ATP8A2: variants seen among roughly 807,000 people sequenced by gnomAD.
The protein encoded by ATP8A2 is ATPase phospholipid transporting 8A2.
ATP8A2 carries 100 observed loss-of-function variants against 165.6 expected under a neutral mutation model. The ratio of observed to expected loss-of-function variants is 0.60; its 90% CI spans 0.51 to 0.71. The LOEUF (loss-of-function observed/expected upper bound fraction) is 0.71. Among genes scored for constraint, ATP8A2 ranks in the 30% least tolerant of loss-of-function variants. The pLI is 0.00. For synonymous variants in ATP8A2, 543 were observed against 548.8 expected (o/e 0.99, Z 0.15); for missense variants, 1,227 against 1,479.5 (o/e 0.83, Z 2.80).
intron 1 of ATP8A2, among the ~76,000 whole-genome samples, chr13:25,460,380 G>A (rs935903268): frequency 6.6e-6 from 1 of 152,148 alleles, no homozygotes; most frequent in Non-Finnish European, 1.5e-5. Context: ...GGGGTCCTAC[G>A]AGCAATGGAG....
intron 24 of ATP8A2, among the ~76,000 whole-genome samples, chr13:25,665,016 C>T (rs917545883): frequency 2.6e-5 from 4 of 150,988 alleles, no homozygotes; most frequent in Admixed American, 6.6e-5. Flanking sequence ...AAAAAGCCGT[C>T]GAGACCAGGA....
chr13:25,395,687 C>T (rs925394998), intron 1 of ATP8A2, among the ~76,000 whole-genome samples: 1 of 152,088 alleles, frequency 6.6e-6, no homozygotes, highest in East Asian at 1.9e-4. Context: ...AGGCATGTGC[C>T]ACCATGCTTG....
intron 2 of ATP8A2, among the ~76,000 whole-genome samples, chr13:25,498,106 G>A (rs553607400): frequency 2.5e-4 from 38 of 152,210 alleles, no homozygotes; most frequent in African/African-American, 8.9e-4. Flanking sequence ...GAAAATTTTG[G>A]GCACCCAATA....
chr13:25,491,579 A>G (rs2036530051), intron 2 of ATP8A2, among the ~76,000 whole-genome samples: 1 of 152,220 alleles, frequency 6.6e-6, no homozygotes, highest in African/African-American at 2.4e-5. Context: ...GTTTATAAAC[A>G]CTAAGAAAGT....
chr13:25,477,804 G>A (rs181472504), intron 2 of ATP8A2, among the ~76,000 whole-genome samples: 34 of 152,254 alleles, frequency 2.2e-4, no homozygotes, highest in African/African-American at 8.2e-4. Context: ...AGGCACGGTG[G>A]CGGGTGCCTA....
chr13:25,891,817 G>A (rs531097484), intron 33 of ATP8A2, among the ~76,000 whole-genome samples: 1 of 152,158 alleles, frequency 6.6e-6, no homozygotes, highest in South Asian at 2.1e-4. Flanking sequence ...ACAAAAAGCA[G>A]GCCAAACAAG....
intron 19 of ATP8A2, 28 bp from the exon 20 acceptor site, chr13:25,577,041 G>T: frequency 6.3e-7 from 1 of 1,593,330 alleles, no homozygotes; most frequent in Non-Finnish European, 8.6e-7. Context: ...ACAGACCAAT[G>T]ATGACTTTTT....
chr13:25,740,308 CA>C (rs1229327243), intron 25 of ATP8A2, among the ~76,000 whole-genome samples: 12,071 of 67,530 alleles, frequency 0.18, 456 homozygotes, highest in Middle Eastern at 0.26. Flanking sequence ...GGCTCTATCT[CA>C]AAAAAAAAAA....
At chr13:25,758,936 T>A (rs2044321464) in intron 25 of ATP8A2, among the ~76,000 whole-genome samples, 1 of 152,122 alleles carries the variant, frequency 6.6e-6, no homozygotes, top group Non-Finnish European at 1.5e-5. Context: ...TTGTGTAAAT[T>A]ACCTCCTTTC....
chr13:25,506,461 A>G (rs1428956800), intron 2 of ATP8A2, among the ~76,000 whole-genome samples: 4 of 152,216 alleles, frequency 2.6e-5, no homozygotes, highest in African/African-American at 9.6e-5. Flanking sequence ...CGTCTTGGAC[A>G]TTTGCGTATT....
chr13:25,620,696 T>G (rs2040945758), intron 24 of ATP8A2, among the ~76,000 whole-genome samples: 2 of 152,124 alleles, frequency 1.3e-5, no homozygotes, highest in Non-Finnish European at 2.9e-5. Flanking sequence ...CCTTGGAAAA[T>G]AATTTTCAAG....
At chr13:25,563,841 T>G in intron 15 of ATP8A2, 115 bp from the exon 16 acceptor site, 1 of 643,626 alleles carries the variant, frequency 1.6e-6, no homozygotes, top group Non-Finnish European at 2.8e-6. Context: ...AAGTTTAATG[T>G]GAATCCCTAT....
At chr13:25,772,262 C>T (rs1354990845) in intron 26 of ATP8A2, among the ~76,000 whole-genome samples, 1 of 152,126 alleles carries the variant, frequency 6.6e-6, no homozygotes, top group Non-Finnish European at 1.5e-5. Context: ...CTCATGATGA[C>T]AGCATTTTGA....
In ATP8A2 at chr13:25,853,396, A is replaced by ATGTAT. The variant is rs59573616; in HGVS notation, c.2957-6799_2957-6798insTGTAT. Among the ~76,000 whole-genome samples the ATGTAT allele has an allele frequency of 4.1e-3, 437 of 107,846 alleles. 6 individuals are homozygous for ATGTAT. The highest frequency in any genetic ancestry group is 0.015 in the African/African-American group (423 of 28,982). The allele number at this position is 107,846 out of a possible 152,430, so 70.8% of individuals were successfully genotyped here. On this transcript the variant is annotated intron_variant, in intron 30 of 36. Transcript: ENST00000381655. ...ACAGAGCAAGACTCTATCTAAAAAA[A>ATGTAT]ATATATATATATATGTATATATATA...
chr13:25,557,481 T>G (rs1358109677), intron 13 of ATP8A2, among the ~76,000 whole-genome samples: 1 of 152,220 alleles, frequency 6.6e-6, no homozygotes, highest in Non-Finnish European at 1.5e-5. Context: ...TAAATTTGCC[T>G]TCTCTTTGAA....
intron 1 of ATP8A2, among the ~76,000 whole-genome samples, chr13:25,390,243 C>T (rs991107750): frequency 6.6e-6 from 1 of 152,188 alleles, no homozygotes; most frequent in African/African-American, 2.4e-5. Context: ...ATCCACCCAC[C>T]TCGGCCTCCC....
intron 23 of ATP8A2, among the ~76,000 whole-genome samples, chr13:25,586,640 T>C (rs2039929258): frequency 6.6e-6 from 1 of 152,224 alleles, no homozygotes; most frequent in South Asian, 2.1e-4. Flanking sequence ...TGTAAAGCTA[T>C]TGAGAACCAG....
At chr13:25,536,182 G>C (rs915585652) in intron 6 of ATP8A2, among the ~76,000 whole-genome samples, 4 of 152,108 alleles carry the variant, frequency 2.6e-5, no homozygotes, top group African/African-American at 7.2e-5. Flanking sequence ...TGCCGTCTTG[G>C]CTCACTGCAA....
intron 24 of ATP8A2, among the ~76,000 whole-genome samples, chr13:25,679,227 A>ATTT (rs2042433606): frequency 6.6e-6 from 1 of 152,202 alleles, no homozygotes; most frequent in South Asian, 2.1e-4. Flanking sequence ...AATCAAGATG[A>ATTT]TAGGCTTTGT....
Sources: allele counts gnomAD v4.1 joint callset (sites outside exome capture counted in the v4.1 genomes callset), GRCh38; gene constraint gnomAD v4.1.1; transcripts MANE v1.5; gene names NCBI Gene and HGNC (gene_info 2026-07-23, HGNC 2026-07-21).